PRR5: variants seen among roughly 807,000 people sequenced by gnomAD.
PRR5 encodes proline-rich protein 5.
PRR5 carries 25 observed loss-of-function variants against 30.6 expected under a neutral mutation model. The ratio of observed to expected loss-of-function variants is 0.82; its 90% confidence interval spans 0.60 to 1.14. PRR5 has a LOEUF of 1.14. Ranked by LOEUF, PRR5 falls within the 50% of genes most tolerant of loss-of-function variation. The pLI is 0.00. For missense variants in PRR5, 600 were observed against 547.1 expected (o/e 1.10, Z -0.96); for synonymous variants, 286 against 247.1 (o/e 1.16, Z -1.48).
At chr22:44,700,907 A>G (rs1275235772), upstream of PRR5, among the ~76,000 whole-genome samples, 1 of 151,848 alleles carries the variant, frequency 6.6e-6, no homozygotes, top group African/African-American at 2.4e-5. Context: ...TTTGAGACGG[A>G]GTTTTGCTGT....
rs538304561 is a variant in PRR5, at chr22:44,692,823, G to A, written c.-10-9669G>A. Among the ~76,000 whole-genome samples, 9 of 152,342 alleles carry A rather than the reference G, an allele frequency of 5.9e-5. No homozygotes were observed. The South Asian group carries it at 1.9e-3, about 32-fold the overall frequency. ...CGGGGATGTTCCCCGGGCCTGCCTG[G>A]CAGGGCGGCTGCAAACACGAAGGTT... is the stretch of plus-strand genomic sequence containing the variant. On this transcript the variant is annotated intron_variant, in intron 1 of 8. Coordinates refer to the PRR5 transcript ENST00000006251.
intron 1 of PRR5, among the ~76,000 whole-genome samples, chr22:44,695,734 G>A (rs1267582493): frequency 1.3e-5 from 2 of 151,576 alleles, no homozygotes; most frequent in African/African-American, 4.9e-5. Flanking sequence ...CAGTATCTGG[G>A]ATTACAGATG....
intron 1 of PRR5, among the ~76,000 whole-genome samples, chr22:44,689,274 G>A (rs1033984291): frequency 1.3e-5 from 2 of 152,080 alleles, no homozygotes; most frequent in Admixed American, 6.6e-5. Flanking sequence ...GCTAACTCAC[G>A]GGTCGTCTTT....
At chr22:44,710,511 C>T (rs1286019487) in intron 1 of PRR5, among the ~76,000 whole-genome samples, 1 of 152,176 alleles carries the variant, frequency 6.6e-6, no homozygotes, top group East Asian at 1.9e-4. Context: ...CCAACTGGGC[C>T]CGTCTTTGCA....
At chr22:44,719,616 C>T (rs969970626) in intron 2 of PRR5, among the ~76,000 whole-genome samples, 9 of 152,136 alleles carry the variant, frequency 5.9e-5, no homozygotes, top group African/African-American at 1.9e-4. Context: ...CTGTGTTGTC[C>T]GTGCAGAATA....
intron 1 of PRR5, 66 bp downstream of exon 1, chr22:44,702,674 CGCGGGCTAGGGGCCG>C: frequency 8.0e-7 from 1 of 1,244,144 alleles, no homozygotes; most frequent in Non-Finnish European, 1.0e-6. Flanking sequence ...CTGAGCCGTC[CGCGGGCTAGGGGCCG>C]CCCCGAGCCA....
At chr22:44,713,686 A>G (rs1290031415) in intron 1 of PRR5, among the ~76,000 whole-genome samples, 2 of 151,846 alleles carry the variant, frequency 1.3e-5, no homozygotes, top group Admixed American at 6.5e-5. Context: ...CCTTCCCATC[A>G]CACCAGTCAC....
At chr22:44,680,138 G>A (rs1426184262) in intron 1 of PRR5, among the ~76,000 whole-genome samples, 1 of 152,164 alleles carries the variant, frequency 6.6e-6, no homozygotes, top group African/African-American at 2.4e-5. Context: ...GGGTGCTCGG[G>A]GCCGTAGGGC....
intron 5 of PRR5, among the ~76,000 whole-genome samples, 199 bp from the exon 6 acceptor site, chr22:44,732,052 T>C (rs769294590): frequency 3.3e-5 from 5 of 152,174 alleles, no homozygotes; most frequent in Non-Finnish European, 7.3e-5. Context: ...GCGTAGGGGC[T>C]CTGTGACAGT....
intron 1 of PRR5, among the ~76,000 whole-genome samples, chr22:44,689,602 C>T (rs558268672): frequency 1.3e-5 from 2 of 152,318 alleles, no homozygotes; most frequent in African/African-American, 4.8e-5. Context: ...GTGGCCTGGG[C>T]AGAAGGGCCA....
At chr22:44,673,163 T>G (rs115196619), upstream of PRR5, among the ~76,000 whole-genome samples, 70 of 152,262 alleles carry the variant, frequency 4.6e-4, no homozygotes, top group African/African-American at 1.6e-3. Flanking sequence ...GCCAGAGACA[T>G]GAAGGGAGAG....
chr22:44,702,184 C>CCGCCCCCGGGTG (rs1349275454), upstream of PRR5: 4 of 939,084 alleles, frequency 4.3e-6, no homozygotes, highest in Non-Finnish European at 5.1e-6. Context: ...GCCCCTGGGC[C>CCGCCCCCGGGTG]CGCCCCCGGG....
At chr22:44,671,112 C>T (rs1025231392) in intron 1 of PRR5, among the ~76,000 whole-genome samples, 8 of 152,156 alleles carry the variant, frequency 5.3e-5, no homozygotes, top group Non-Finnish European at 1.2e-4. Context: ...GTGGTGCTAT[C>T]CGGGTCAGAT....
intron 1 of PRR5, among the ~76,000 whole-genome samples, chr22:44,710,258 G>T (rs1260435622): frequency 6.7e-6 from 1 of 150,302 alleles, no homozygotes; most frequent in African/African-American, 2.4e-5. Context: ...CCTCCCTAAG[G>T]ATCCTCCCCT....
chr22:44,702,396 G>GC lies in PRR5; in HGVS notation c.-76dup, dbSNP rs1192941299. The GC allele has an allele frequency of 8.2e-7, 1 of 1,221,306 alleles. No homozygotes were observed. The highest frequency in any genetic ancestry group is 1.6e-5 in the African/African-American group (1 of 62,696). The allele number at this position is 1,221,306 out of a possible 1,614,324, so 75.7% of individuals were successfully genotyped here. ...TTTCCGCGTAGAGGGCGCATCGCCG[G>GC]CCCGGGGCCCTTGGTGCGGCGTGGC... On this transcript the variant is annotated 5_prime_UTR_variant, in exon 1 of 8. Coordinates refer to ENST00000336985, the MANE Select transcript of PRR5 (RefSeq NM_181333.4).
chr22:44,720,931 TC>T lies in PRR5; in HGVS notation c.216-4311del, dbSNP rs1307026907. 9.9e-5 allele frequency among the ~76,000 whole-genome samples: 15 copies of T among 152,276 alleles called. No individual in the cohort carries two copies. In the East Asian group the frequency reaches 2.9e-3, roughly 29 times the overall value. On this transcript the variant is annotated intron_variant, in intron 2 of 7. Transcript: ENST00000336985. ...CCAGGTAGGGCTTCATTAGGGCCTC[TC>T]CGGGATTTCCAGCCATTGTGAGCCA...
At chr22:44,690,561 G>A (rs1213100543) in intron 1 of PRR5, among the ~76,000 whole-genome samples, 1 of 152,248 alleles carries the variant, frequency 6.6e-6, no homozygotes, top group Admixed American at 6.5e-5. Flanking sequence ...CCCAGGGAGG[G>A]AGATGTGATG....
chr22:44,722,656 T>C (rs866896157), intron 2 of PRR5, among the ~76,000 whole-genome samples: 10 of 152,204 alleles, frequency 6.6e-5, no homozygotes, highest in African/African-American at 2.4e-4. Flanking sequence ...GACTAGATCA[T>C]GCAGTCACTG....
chr22:44,673,287 G>C (rs1427022327), upstream of PRR5, among the ~76,000 whole-genome samples: 1 of 152,230 alleles, frequency 6.6e-6, no homozygotes, highest in African/African-American at 2.4e-5. Context: ...CCGTGCCTCA[G>C]TTTTCTAATC....
Sources: gnomAD v4.1 joint callset for allele counts (sites outside exome capture counted in the v4.1 genomes callset) on GRCh38, gnomAD v4.1.1 for gene constraint, MANE v1.5 for transcripts, NCBI Gene and HGNC (gene_info 2026-07-23, HGNC 2026-07-21) for gene names.